ZNF423: variants seen among roughly 807,000 people sequenced by gnomAD.
The protein encoded by ZNF423 is Ebf-associated zinc finger protein.
In ZNF423, 12 loss-of-function variants were observed where a neutral mutation model predicts 95.8. The ratio of observed to expected loss-of-function variants is 0.13; its 90% CI spans 0.08 to 0.20. The LOEUF is 0.20. Ranked by LOEUF, ZNF423 falls within the 10% of genes least tolerant of loss-of-function variation. ZNF423 has a pLI of 1.00. For synonymous variants in ZNF423, 749 were observed against 711.9 expected, an observed-to-expected ratio of 1.05 and a Z score of -0.83; for missense variants, 1,316 against 1,737.1, an observed-to-expected ratio of 0.76 and a Z score of 4.31.
At chr16:49,716,780 G>C (rs1446142154) in intron 3 of ZNF423, among the ~76,000 whole-genome samples, 7 of 152,168 alleles carry the variant, frequency 4.6e-5, no homozygotes, top group Admixed American at 4.6e-4. Flanking sequence ...CAGTGGGCTG[G>C]GGTGCTGGGG....
intron 1 of ZNF423, among the ~76,000 whole-genome samples, chr16:49,796,122 A>G (rs1281940519): frequency 6.6e-6 from 1 of 152,082 alleles, no homozygotes; most frequent in Non-Finnish European, 1.5e-5. Context: ...TGGGAGGCTG[A>G]TTGACGAATG....
rs201407125 is a variant in ZNF423, at chr16:49,815,861, C to CCAAACAAA, written c.41-26323_41-26316dup. Among the ~76,000 whole-genome samples the CCAAACAAA allele has an allele frequency of 3.7e-3, 161 of 43,774 alleles. 1 individual carries two copies. Among genetic ancestry groups the CCAAACAAA allele is most frequent in the Middle Eastern group, 0.02 (1 of 50 alleles). The allele number at this position is 43,774 out of a possible 152,430, so 28.7% of individuals were successfully genotyped here. On this transcript the variant is annotated intron_variant, in intron 1 of 7. Coordinates refer to ENST00000563137, the MANE Select transcript of ZNF423 (RefSeq NM_001379286.1). The stretch of plus-strand genomic sequence containing the variant: ...GAATTTTAAGTGTTACATTCTAATT[C>CCAAACAAA]CAAACAAACAAAAAAAAAAAATATA...
intron 2 of ZNF423, among the ~76,000 whole-genome samples, chr16:49,761,269 T>C (rs1399350754): frequency 6.6e-6 from 1 of 152,184 alleles, no homozygotes; most frequent in African/African-American, 2.4e-5. Flanking sequence ...CTGGGCACCA[T>C]AGCTGCCAAT....
At chr16:49,599,104 GAC>G (rs1430561766) in intron 5 of ZNF423, among the ~76,000 whole-genome samples, 1 of 152,136 alleles carries the variant, frequency 6.6e-6, no homozygotes, top group Non-Finnish European at 1.5e-5. Context: ...CACACACATA[GAC>G]ACACACAGAC....
At chr16:49,516,993 C>T (rs1365180126) in intron 7 of ZNF423, among the ~76,000 whole-genome samples, 1 of 152,188 alleles carries the variant, frequency 6.6e-6, no homozygotes, top group Admixed American at 6.5e-5. Flanking sequence ...GCAGAATTGA[C>T]AGGAGCTGTG....
chr16:49,685,989 T>C (rs1416087385), intron 3 of ZNF423, among the ~76,000 whole-genome samples: 1 of 152,222 alleles, frequency 6.6e-6, no homozygotes, highest in Non-Finnish European at 1.5e-5. Flanking sequence ...TTTCTATTCA[T>C]TGTTTCGCCC....
intron 5 of ZNF423, among the ~76,000 whole-genome samples, chr16:49,574,432 T>G (rs1970436850): frequency 1.3e-5 from 2 of 152,168 alleles, no homozygotes; most frequent in South Asian, 4.1e-4. Context: ...GATTCAGCAG[T>G]TGTATGTGGG....
At chr16:49,766,729 T>G (rs1375842952) in intron 2 of ZNF423, among the ~76,000 whole-genome samples, 1 of 152,198 alleles carries the variant, frequency 6.6e-6, no homozygotes, top group East Asian at 1.9e-4. Context: ...AAGCAACAGC[T>G]TCAGCAGTGC....
chr16:49,638,331 T>A lies in ZNF423; in HGVS notation c.845A>T (p.Gln282Leu). The A allele has an allele frequency of 6.2e-7, 1 of 1,614,114 alleles. No individual in the cohort carries two copies. The highest frequency in any genetic ancestry group is 8.5e-7 in the Non-Finnish European group (1 of 1,180,048). Residue 282 changes from glutamine to leucine, a missense_variant, in exon 4 of 8, where the codon CAG becomes CTG. Gln to Leu is a moderately radical substitution (Grantham distance 113). Around this residue, in one of 6 missense-constraint regions of ZNF423, gnomAD observed 399 missense variants for 478.5 expected, o/e 0.83. Transcript: ENST00000563137. The surrounding 1 kb of genome is among the most constrained non-coding windows in gnomAD (Gnocchi z 5.6). The stretch of plus-strand genomic sequence containing the variant: ...CACGTGCTTCTCCAGCTCCTCCGTC[T>A]GGCTGAAGGTGTCCTCGCAGTAGTC... ...MCDYCEDTFS[Q>L]TEELEKHVLT...
At chr16:49,672,925 C>T (rs562682091) in intron 3 of ZNF423, among the ~76,000 whole-genome samples, 12 of 152,316 alleles carry the variant, frequency 7.9e-5, no homozygotes, top group African/African-American at 9.6e-5. Flanking sequence ...CCCCACCACG[C>T]GGTGTGATCT....
chr16:49,605,451 T>C (rs1421849215), intron 5 of ZNF423, among the ~76,000 whole-genome samples: 1 of 152,128 alleles, frequency 6.6e-6, no homozygotes, highest in Non-Finnish European at 1.5e-5. Flanking sequence ...CTTCCAGCTT[T>C]TTCTTGGCTT....
chr16:49,577,445 C>G (rs1476835218), intron 5 of ZNF423, among the ~76,000 whole-genome samples: 1 of 152,082 alleles, frequency 6.6e-6, no homozygotes, highest in Non-Finnish European at 1.5e-5. Flanking sequence ...GGCTCACACC[C>G]AGACAGACGC....
chr16:49,789,420 C>T (rs2034373238), intron 2 of ZNF423, 67 bp downstream of exon 2: 2 of 1,517,514 alleles, frequency 1.3e-6, no homozygotes, highest in Admixed American at 2.2e-5. Flanking sequence ...AGCTGGGTGG[C>T]TTTCTGAGTT....
intron 5 of ZNF423, among the ~76,000 whole-genome samples, chr16:49,530,795 AGGCAG>A (rs1968811894): frequency 6.6e-6 from 1 of 152,128 alleles, no homozygotes; most frequent in South Asian, 2.1e-4. Flanking sequence ...ACGCTTAGAG[AGGCAG>A]GGCCCCTAAC....
intron 5 of ZNF423, among the ~76,000 whole-genome samples, chr16:49,555,601 C>CTATA (rs1969792923): frequency 6.6e-6 from 1 of 152,138 alleles, no homozygotes; most frequent in Non-Finnish European, 1.5e-5. Flanking sequence ...GATCCATACA[C>CTATA]TATAATGTCT....
At chr16:49,718,206 A>C (rs2032763719) in intron 3 of ZNF423, among the ~76,000 whole-genome samples, 1 of 152,136 alleles carries the variant, frequency 6.6e-6, no homozygotes, top group Non-Finnish European at 1.5e-5. Flanking sequence ...GGATCACCTG[A>C]GTCATGAGTT....
chr16:49,719,532 C>T (rs994756484), intron 3 of ZNF423, among the ~76,000 whole-genome samples: 3 of 152,132 alleles, frequency 2.0e-5, no homozygotes, highest in African/African-American at 4.8e-5. Context: ...AATTGTAATT[C>T]CCAGTGTTGG....
intron 3 of ZNF423, among the ~76,000 whole-genome samples, chr16:49,708,737 G>A (rs1348148923): frequency 6.6e-6 from 1 of 152,098 alleles, no homozygotes; most frequent in Admixed American, 6.6e-5. Flanking sequence ...AAGCACTTGC[G>A]GAGGCTGTCA....
intron 5 of ZNF423, among the ~76,000 whole-genome samples, chr16:49,592,598 G>T (rs1041483332): frequency 7.2e-5 from 11 of 152,252 alleles, no homozygotes; most frequent in Admixed American, 1.3e-4. Context: ...ACCAAAACGT[G>T]AATAAGACAG....
Sources: allele counts gnomAD v4.1 joint callset (sites outside exome capture counted in the v4.1 genomes callset), GRCh38; gene constraint gnomAD v4.1.1; regional missense constraint gnomAD v4.1.1; non-coding constraint Gnocchi (gnomAD v3.1); transcripts MANE v1.5; gene names NCBI Gene and HGNC (gene_info 2026-07-23, HGNC 2026-07-21).